Variants in SCAPER observed in about 807,000 individuals in gnomAD.
SCAPER encodes S phase cyclin A-associated protein in the endoplasmic reticulum.
In SCAPER, 98 loss-of-function variants were observed where a neutral mutation model predicts 182.2. The ratio of observed to expected loss-of-function variants is 0.54; its 90% CI spans 0.46 to 0.64. The LOEUF is 0.64. Ranked by LOEUF, SCAPER falls within the 30% of genes least tolerant of loss-of-function variation. The pLI, the probability that SCAPER is intolerant of heterozygous loss-of-function variation, is 0.00. For missense variants in SCAPER, 1,432 were observed against 1,690.0 expected (o/e 0.85, Z 2.68); for synonymous variants, 605 against 564.6 (o/e 1.07, Z -1.01).
intron 8 of SCAPER, among the ~76,000 whole-genome samples, chr15:76,785,926 A>C (rs1425493190): frequency 6.6e-6 from 1 of 152,166 alleles, no homozygotes; most frequent in East Asian, 1.9e-4. Context: ...ACCTAATGCA[A>C]ATGACAAGTT....
At chr15:76,843,846 T>C (rs746366803) in intron 4 of SCAPER, among the ~76,000 whole-genome samples, 3 of 151,960 alleles carry the variant, frequency 2.0e-5, no homozygotes, top group Non-Finnish European at 4.4e-5. Flanking sequence ...AGTTTTAAAA[T>C]ATAGGGCTCT....
At position 76,774,918 on chromosome 15, in the gene SCAPER, A is replaced by G. The variant is rs188856398; in HGVS notation, c.972T>C (p.Thr324=). The change falls in exon 9 of 32, where the codon ACT becomes ACC. Residue 324 remains threonine (T), a synonymous_variant. Transcript: ENST00000563290. ...GQFVGDGTSN[T]IESHPKDSLH... ...ATGAGTCTTTGGGATGAGATTCTAT[A>G]GTATTAGAAGTTCCATCTCCAACAA... 3.2e-5 allele frequency: 51 copies of G among 1,613,720 alleles called. 2 individuals are homozygous for G. In the Admixed American group the frequency reaches 7.5e-4, roughly 24 times the overall value.
Position 76,779,968 on chromosome 15 carries a change from G to A in SCAPER, c.773-4851C>T, listed in dbSNP as rs549920542. Among the ~76,000 whole-genome samples, 7 of 152,274 alleles carry A rather than the reference G, an allele frequency of 4.6e-5. No individual in the cohort carries two copies. The East Asian group carries it at 9.6e-4, about 21-fold the overall frequency. On this transcript the variant is annotated intron_variant, in intron 8 of 31. Transcript: ENST00000563290. ...GTCTGCAGCTCCCAGCGTGATCGAC[G>A]CAGAAGAAAGGATTTCTGCATTTCC...
chr15:76,842,152 C>T (rs975196804), intron 4 of SCAPER, among the ~76,000 whole-genome samples: 12 of 152,062 alleles, frequency 7.9e-5, no homozygotes, highest in Non-Finnish European at 1.6e-4. Context: ...TATAAGCAAT[C>T]TAAAGATTAA....
chr15:76,880,974 C>A (rs8038253), intron 2 of SCAPER, among the ~76,000 whole-genome samples: 4,415 of 152,230 alleles, frequency 0.029, 197 homozygotes, highest in African/African-American at 0.1. Context: ...AATGTTGCAG[C>A]CACTGCGGAA....
chr15:76,835,740 G>C (rs1032925061), intron 5 of SCAPER, among the ~76,000 whole-genome samples: 4 of 152,080 alleles, frequency 2.6e-5, no homozygotes, highest in Non-Finnish European at 4.4e-5. Flanking sequence ...AATAGGAAGA[G>C]AGGAAGTCAA....
chr15:76,359,723 T>C lies in SCAPER; in HGVS notation c.3856-5583A>G, dbSNP rs529563448. Among the ~76,000 whole-genome samples the C allele has an allele frequency of 1.0e-3, 159 of 152,332 alleles. 3 individuals carry two copies. Among genetic ancestry groups the C allele is most frequent in the African/African-American group, 3.7e-3 (154 of 41,582 alleles). ...GCCTTTCTTGTTCAACCCAAAGACA[T>C]GGCAGCAACTATCACATAACTAAGT... is the stretch of plus-strand genomic sequence containing the variant. On this transcript the variant is annotated intron_variant, in intron 29 of 31. Transcript: ENST00000563290.
intron 26 of SCAPER, among the ~76,000 whole-genome samples, chr15:76,415,405 A>G (rs2142264919): frequency 6.6e-6 from 1 of 152,254 alleles, no homozygotes; most frequent in Admixed American, 6.5e-5. Context: ...ACAGAAAAAG[A>G]CTTTTATAAA....
chr15:76,609,581 T>G (rs943704139), intron 22 of SCAPER, among the ~76,000 whole-genome samples: 3 of 152,264 alleles, frequency 2.0e-5, no homozygotes, highest in African/African-American at 7.2e-5. Flanking sequence ...CCTAGCATAC[T>G]ATTCATAGTT....
intron 1 of SCAPER, among the ~76,000 whole-genome samples, chr15:76,894,102 A>T (rs557407756): frequency 2.6e-5 from 4 of 152,274 alleles, no homozygotes; most frequent in Admixed American, 2.6e-4. Context: ...AATACAAAAA[A>T]TTAGCTGGGT....
At chr15:76,764,196 A>G (rs1019074224) in intron 14 of SCAPER, among the ~76,000 whole-genome samples, 2 of 152,204 alleles carry the variant, frequency 1.3e-5, no homozygotes, top group African/African-American at 4.8e-5. Flanking sequence ...CAGAGTGCCA[A>G]AGTGCGGGGA....
intron 15 of SCAPER, among the ~76,000 whole-genome samples, chr15:76,744,102 C>T (rs1422452998): frequency 2.6e-5 from 4 of 152,162 alleles, no homozygotes; most frequent in Admixed American, 2.6e-4. Context: ...AACAACAAAA[C>T]TAGACCCTTA....
chr15:76,433,644 T>G (rs980976724), intron 26 of SCAPER, among the ~76,000 whole-genome samples: 1 of 152,234 alleles, frequency 6.6e-6, no homozygotes, highest in Non-Finnish European at 1.5e-5. Flanking sequence ...TTCCTATTTA[T>G]GTATCACTAA....
chr15:76,512,500 C>T (rs139374963), intron 23 of SCAPER, among the ~76,000 whole-genome samples: 129 of 151,902 alleles, frequency 8.5e-4, no homozygotes, highest in African/African-American at 2.9e-3. Context: ...GCAGAAACAC[C>T]GGCTGATCAG....
At chr15:76,529,772 G>C (rs1003466188) in intron 23 of SCAPER, among the ~76,000 whole-genome samples, 1 of 152,254 alleles carries the variant, frequency 6.6e-6, no homozygotes, top group African/African-American at 2.4e-5. Context: ...TTAATGAGGA[G>C]AGAAAGTAGT....
intron 24 of SCAPER, 43 bp downstream of exon 24, chr15:76,504,816 T>C: frequency 2.7e-6 from 4 of 1,484,160 alleles, no homozygotes; most frequent in Non-Finnish European, 3.6e-6. Context: ...CAGAAATGAC[T>C]CACAAATGAA....
intron 21 of SCAPER, among the ~76,000 whole-genome samples, chr15:76,656,104 G>A (rs925230701): frequency 6.6e-6 from 1 of 152,074 alleles, no homozygotes; most frequent in Admixed American, 6.6e-5. Context: ...ATTAAAAGGT[G>A]GAGTGGCAAG....
intron 1 of SCAPER, among the ~76,000 whole-genome samples, chr15:76,886,487 A>G (rs1310764531): frequency 7.2e-5 from 11 of 152,144 alleles, no homozygotes; most frequent in Admixed American, 5.9e-4. Context: ...CTCAAAAACA[A>G]ATAAATAAAA....
chr15:76,523,281 G>A (rs1441612483), intron 23 of SCAPER, among the ~76,000 whole-genome samples: 1 of 152,014 alleles, frequency 6.6e-6, no homozygotes, highest in African/African-American at 2.4e-5. Flanking sequence ...TGCATAAAAT[G>A]AGGAAGACTT....
Sources: allele counts gnomAD v4.1 joint callset (sites outside exome capture counted in the v4.1 genomes callset), GRCh38; gene constraint gnomAD v4.1.1; transcripts MANE v1.5; gene names NCBI Gene and HGNC (gene_info 2026-07-23, HGNC 2026-07-21).